Variants in DCC observed in about 807,000 individuals in gnomAD.
The protein encoded by DCC is netrin receptor DCC.
A neutral mutation model predicts 172.5 loss-of-function variants in DCC; 58 were observed. The observed-to-expected ratio is 0.34, with a 90% confidence interval of 0.27 to 0.42. The LOEUF (loss-of-function observed/expected upper bound fraction) is 0.42. DCC is among the 10% of genes least tolerant of loss of function. DCC has a pLI of 1.00. For missense variants in DCC, 1,740 were observed against 1,791.0 expected, an observed-to-expected ratio of 0.97 and a Z score of 0.51; for synonymous variants, 709 against 644.5, an observed-to-expected ratio of 1.10 and a Z score of -1.52.
intron 24 of DCC, among the ~76,000 whole-genome samples, chr18:53,460,447 A>G (rs530885557): frequency 8.6e-5 from 7 of 81,156 alleles, no homozygotes; most frequent in African/African-American, 2.8e-4. Context: ...CCACCCCACA[A>G]CAGTCCCCAG....
chr18:52,874,924 C>G (rs910320972), intron 2 of DCC, among the ~76,000 whole-genome samples: 1 of 152,000 alleles, frequency 6.6e-6, no homozygotes, highest in Non-Finnish European at 1.5e-5. Flanking sequence ...GAAGGGTGAA[C>G]AGTGTAGAAT....
chr18:53,447,722 G>A (rs1182462772), intron 22 of DCC, among the ~76,000 whole-genome samples: 3 of 152,124 alleles, frequency 2.0e-5, no homozygotes, highest in Admixed American at 1.3e-4. Context: ...TCACATAAAA[G>A]GTTAATTTAT....
At chr18:53,056,486 C>T (rs1226870193) in intron 5 of DCC, among the ~76,000 whole-genome samples, 1 of 152,134 alleles carries the variant, frequency 6.6e-6, no homozygotes, top group Non-Finnish European at 1.5e-5. Flanking sequence ...GCATGTGAAA[C>T]AATGGCTCCT....
intron 5 of DCC, among the ~76,000 whole-genome samples, chr18:53,042,375 A>C (rs759384400): frequency 3.9e-5 from 6 of 151,970 alleles, no homozygotes; most frequent in South Asian, 2.1e-4. Context: ...ATGGTGGATA[A>C]GCTTTTTGAT....
intron 1 of DCC, among the ~76,000 whole-genome samples, chr18:52,519,962 T>C (rs1443868994): frequency 1.3e-5 from 2 of 152,194 alleles, no homozygotes; most frequent in Non-Finnish European, 2.9e-5. Context: ...TCTCCTCCCA[T>C]TGTATCTCAA....
At chr18:52,635,064 T>C (rs886117573) in intron 1 of DCC, among the ~76,000 whole-genome samples, 3 of 152,224 alleles carry the variant, frequency 2.0e-5, no homozygotes, top group Non-Finnish European at 4.4e-5. Context: ...TTTCCAGTGG[T>C]TTCTAGAACC....
chr18:53,429,362 G>C (rs1911456606), intron 21 of DCC, among the ~76,000 whole-genome samples: 1 of 101,150 alleles, frequency 9.9e-6, no homozygotes, highest in East Asian at 2.4e-4. Context: ...AAATTAATTT[G>C]TTTAAATTTG....
chr18:53,412,333 A>G (rs754980584), intron 20 of DCC, among the ~76,000 whole-genome samples: 1 of 152,174 alleles, frequency 6.6e-6, no homozygotes, highest in Non-Finnish European at 1.5e-5. Context: ...ATCATTTAAA[A>G]TTACTCAGAA....
At chr18:52,785,404 C>A (rs1568101970) in intron 2 of DCC, among the ~76,000 whole-genome samples, 1 of 152,110 alleles carries the variant, frequency 6.6e-6, no homozygotes, top group South Asian at 2.1e-4. Context: ...ACTCCCATGC[C>A]CTTACTCTCT....
chr18:53,476,882 A>G (rs547699854), intron 25 of DCC, among the ~76,000 whole-genome samples: 32 of 152,354 alleles, frequency 2.1e-4, no homozygotes, highest in African/African-American at 6.0e-4. Flanking sequence ...GAGAAAAAAG[A>G]CAATAGAATA....
At chr18:53,099,648 T>C (rs111500994) in intron 7 of DCC, among the ~76,000 whole-genome samples, 2,391 of 152,288 alleles carry the variant, frequency 0.016, 52 homozygotes, top group African/African-American at 0.054. Context: ...ATTTGTCCTC[T>C]AATGATTGAC....
At position 53,256,098 on chromosome 18, in the gene DCC, A is replaced by C. The variant is rs533220416; in HGVS notation, c.1911+40501A>C. ...TTGTAAATTTGTTTGAGTTCATTGT[A>C]GATTCTGGATATTAGCCCTTTGTCA... On this transcript the variant is annotated intron_variant, in intron 12 of 28. Coordinates refer to ENST00000442544, the MANE Select transcript of DCC (RefSeq NM_005215.4). Among the ~76,000 whole-genome samples, 195 of 152,242 alleles carry C rather than the reference A, an allele frequency of 1.3e-3. 1 individual carries two copies. Among genetic ancestry groups the C allele is most frequent in the South Asian group, 8.1e-3 (39 of 4,828 alleles).
chr18:52,907,427 AT>A (rs1027708165), intron 3 of DCC, among the ~76,000 whole-genome samples: 8 of 150,662 alleles, frequency 5.3e-5, no homozygotes, highest in African/African-American at 9.7e-5. Flanking sequence ...ATATATACAT[AT>A]TTTTTTTAGA....
chr18:53,324,759 A>AT (rs963824702), intron 14 of DCC, among the ~76,000 whole-genome samples: 157 of 152,164 alleles, frequency 1.0e-3, no homozygotes, highest in African/African-American at 3.7e-3. Context: ...ATAAATAGTT[A>AT]TTTTTTTCTA....
intron 12 of DCC, among the ~76,000 whole-genome samples, chr18:53,272,396 A>C (rs952918339): frequency 6.6e-6 from 1 of 152,124 alleles, no homozygotes; most frequent in East Asian, 1.9e-4. Flanking sequence ...CTCATTAGAG[A>C]ATGATACCAG....
chr18:53,281,986 C>A (rs992911236), intron 12 of DCC, among the ~76,000 whole-genome samples: 8 of 151,932 alleles, frequency 5.3e-5, no homozygotes, highest in African/African-American at 1.9e-4. Context: ...AGACAAGCAC[C>A]CTTAGTTTAG....
rs2040687598 is a variant in DCC, at chr18:52,953,227, C to A, written c.985+27857C>A. On this transcript the variant is annotated intron_variant, in intron 5 of 28. Coordinates refer to ENST00000442544, the MANE Select transcript of DCC (RefSeq NM_005215.4). ...GTGAGTTACAGAAATATTTCAAAGTCATTGTGAACTTTCATTCTCAGTGCT... is the reference window on the plus strand; with the variant it reads ...GTGAGTTACAGAAATATTTCAAAGTAATTGTGAACTTTCATTCTCAGTGCT... Among the ~76,000 whole-genome samples, 4 of 152,160 alleles carry A rather than the reference C, an allele frequency of 2.6e-5. No individual in the cohort carries two copies. The South Asian group carries it at 8.3e-4, about 32-fold the overall frequency.
intron 7 of DCC, among the ~76,000 whole-genome samples, chr18:53,082,862 T>C (rs930196644): frequency 6.6e-6 from 1 of 152,112 alleles, no homozygotes. Flanking sequence ...CTATCTCCTA[T>C]GTTCTACCTC....
chr18:52,735,646 T>C (rs1302047102), intron 1 of DCC, among the ~76,000 whole-genome samples: 3 of 152,024 alleles, frequency 2.0e-5, no homozygotes, highest in Admixed American at 6.6e-5. Context: ...GCTGATGAAC[T>C]TGGGGTCTGA....
Sources: allele counts gnomAD v4.1 joint callset (sites outside exome capture counted in the v4.1 genomes callset), GRCh38; gene constraint gnomAD v4.1.1; transcripts MANE v1.5; gene names NCBI Gene and HGNC (gene_info 2026-07-23, HGNC 2026-07-21).